The following SACS variants were observed in gnomAD, a reference collection of about 807,000 sequenced individuals.
SACS encodes sacsin.
Under a neutral mutation model 348.0 loss-of-function variants are expected in SACS, and 197 were observed. The observed-to-expected ratio is 0.57, with a 90% CI of 0.50 to 0.64. The LOEUF is 0.64. Among genes scored for constraint, SACS ranks in the 30% least tolerant of loss-of-function variants. The pLI is 0.00. For missense variants in SACS, 4,999 were observed against 5,360.8 expected, an observed-to-expected ratio of 0.93 and a Z score of 2.11; for synonymous variants, 1,985 against 1,910.6, an observed-to-expected ratio of 1.04 and a Z score of -1.02.
At chr13:23,421,937 C>G (rs1354001715) in intron 1 of SACS, among the ~76,000 whole-genome samples, 1 of 151,668 alleles carries the variant, frequency 6.6e-6, no homozygotes, top group Non-Finnish European at 1.5e-5. Context: ...CATGTGTCAA[C>G]TTGGGAACAG....
chr13:23,343,201 AAC>A (rs1267753143), intron 9 of SACS, among the ~76,000 whole-genome samples: 3 of 152,226 alleles, frequency 2.0e-5, no homozygotes, highest in African/African-American at 7.2e-5. Flanking sequence ...CCTAGAAATT[AAC>A]AGTTTCTTTC....
At chr13:23,393,309 C>G (rs1402677957) in intron 2 of SACS, among the ~76,000 whole-genome samples, 1 of 152,186 alleles carries the variant, frequency 6.6e-6, no homozygotes, top group Non-Finnish European at 1.5e-5. Flanking sequence ...TATTCACTGA[C>G]TTTATTTATC....
Position 23,333,407 on chromosome 13 carries a change from TAA to T in SACS, c.10467_10468del (p.Tyr3490Ter). On this transcript the variant is annotated frameshift_variant, in exon 10 of 10. Coordinates refer to ENST00000382292, the MANE Select transcript of SACS (RefSeq NM_014363.6). LOFTEE classifies it high-confidence loss of function. ...GATCAAGTGCTCTAATTTTGCATCA[TAA>T]GAGAGATTTTCAATTTTTGGTAAGA... 6.2e-7 allele frequency: 1 copy of T among 1,609,652 alleles called. No homozygotes were observed. The highest frequency in any genetic ancestry group is 1.7e-4 in the Middle Eastern group (1 of 6,020).
intron 5 of SACS, among the ~76,000 whole-genome samples, chr13:23,365,561 C>T (rs1871011542): frequency 6.6e-6 from 1 of 152,124 alleles, no homozygotes; most frequent in African/African-American, 2.4e-5. Flanking sequence ...ATAACTGTCT[C>T]ATATTTACAA....
At chr13:23,399,302 C>T (rs1441980963) in intron 2 of SACS, among the ~76,000 whole-genome samples, 1 of 152,100 alleles carries the variant, frequency 6.6e-6, no homozygotes, top group Admixed American at 6.6e-5. Context: ...AGATCAACTT[C>T]CTTGTCCCTT....
intron 2 of SACS, among the ~76,000 whole-genome samples, chr13:23,400,115 A>G (rs982184668): frequency 6.6e-6 from 1 of 152,188 alleles, no homozygotes; most frequent in African/African-American, 2.4e-5. Flanking sequence ...GGAAGGAAGG[A>G]AGGAAAACAA....
rs548213787 is a variant in SACS at position 23,407,347 on chromosome 13, T to C, written c.20+3873A>G. On this transcript the variant is annotated intron_variant, in intron 2 of 9. Transcript: ENST00000382292. Reference sequence around the variant, plus strand: ...CCAAGTAGCTGGGACTACAGGCGCCTGCCACCACGCCCGGCTAATCTTTTT... The same window carrying C: ...CCAAGTAGCTGGGACTACAGGCGCCCGCCACCACGCCCGGCTAATCTTTTT... 2.8e-3 allele frequency among the ~76,000 whole-genome samples: 428 copies of C among 151,646 alleles called. 1 individual carries two copies. The highest frequency in any genetic ancestry group is 4.3e-3 in the Non-Finnish European group (295 of 67,830).
At chr13:23,404,346 G>A (rs1024770179) in intron 2 of SACS, among the ~76,000 whole-genome samples, 4 of 152,140 alleles carry the variant, frequency 2.6e-5, no homozygotes, top group Non-Finnish European at 5.9e-5. Flanking sequence ...AATAGATGCA[G>A]AAAAGGCCTT....
In SACS at chr13:23,382,411, A is replaced by C. The variant is rs1872095449; in HGVS notation, c.21-7142T>G. 2.0e-5 allele frequency among the ~76,000 whole-genome samples: 3 copies of C among 152,214 alleles called. No individual in the cohort carries two copies. In the South Asian group the frequency reaches 6.2e-4, roughly 31 times the overall value. ...TTTTATATGATTACAATTGAATTGA[A>C]GCTTCATCTGTTAAAATCTTACATT... On this transcript the variant is annotated intron_variant, in intron 2 of 9. Coordinates refer to ENST00000382292, the MANE Select transcript of SACS (RefSeq NM_014363.6).
intron 6 of SACS, among the ~76,000 whole-genome samples, chr13:23,362,384 T>C (rs1870791457): frequency 6.6e-6 from 1 of 152,116 alleles, no homozygotes; most frequent in Non-Finnish European, 1.5e-5. Context: ...TGAATAAAAA[T>C]AAGTTGACCT....
chr13:23,344,551 T>C (rs1466444783), intron 9 of SACS, among the ~76,000 whole-genome samples: 1 of 152,264 alleles, frequency 6.6e-6, no homozygotes, highest in Non-Finnish European at 1.5e-5. Context: ...CCATTGTATT[T>C]AAGACATTCA....
In SACS at chr13:23,336,565, T is replaced by C. The variant is rs1472391006; in HGVS notation, c.7311A>G (p.Arg2437=). The part of the protein sequence containing the change: ...IISEGIWSLI[R]EKKQEFCEKN... ...TCTCACAAAATTCTTGTTTCTTTTC[T>C]CTAATGAGACTCCATATTCCTTCAC... Residue 2437 remains arginine, a synonymous_variant, in exon 10 of 10, where the codon AGA becomes AGG. Transcript: ENST00000382292. 17 of 1,613,634 alleles carry C rather than the reference T, an allele frequency of 1.1e-5. No individual in the cohort carries two copies. Among genetic ancestry groups the C allele is most frequent in the Non-Finnish European group, 1.4e-5 (17 of 1,179,812 alleles).
chr13:23,386,094 G>A (rs1215793069), intron 2 of SACS, among the ~76,000 whole-genome samples: 1 of 152,166 alleles, frequency 6.6e-6, no homozygotes, highest in Non-Finnish European at 1.5e-5. Flanking sequence ...AAGCGCCCTA[G>A]GATCCTTGGA....
intron 6 of SACS, among the ~76,000 whole-genome samples, chr13:23,361,035 G>T (rs551159022): frequency 3.3e-5 from 5 of 152,118 alleles, no homozygotes; most frequent in Non-Finnish European, 7.4e-5. Context: ...GATTACAGGC[G>T]TGAGCCCCCA....
At chr13:23,405,854 G>A (rs1191209609) in intron 2 of SACS, among the ~76,000 whole-genome samples, 1 of 152,200 alleles carries the variant, frequency 6.6e-6, no homozygotes, top group Non-Finnish European at 1.5e-5. Flanking sequence ...TCTCATGCCA[G>A]TTAGAATGGT....
At position 23,341,143 on chromosome 13, in the gene SACS, G is replaced by A. The variant is rs199702597; in HGVS notation, c.2733C>T (p.Thr911=). The part of the protein sequence containing the change: ...DALRKFLASL[T]DSSEKEKRII... The stretch of plus-strand genomic sequence containing the variant: ...TTCTTTTCTCTTTCTCACTGCTATC[G>A]GTTAAACTAGCCAAGAACTTCCTCA... Residue 911 remains threonine (T), a synonymous_variant, in exon 10 of 10, where the codon ACC becomes ACT. Coordinates refer to ENST00000382292, the MANE Select transcript of SACS (RefSeq NM_014363.6). The A allele has an allele frequency of 2.0e-5, 32 of 1,613,114 alleles. No individual in the cohort carries two copies. The highest frequency in any genetic ancestry group is 1.6e-4 in the Middle Eastern group (1 of 6,062).
chr13:23,343,449 C>T (rs559908061), intron 9 of SACS, among the ~76,000 whole-genome samples: 1 of 152,100 alleles, frequency 6.6e-6, no homozygotes, highest in African/African-American at 2.4e-5. Flanking sequence ...CACTTTGGGG[C>T]GCCAAAGCGG....
intron 4 of SACS, among the ~76,000 whole-genome samples, chr13:23,370,123 G>A (rs1224369477): frequency 2.0e-5 from 3 of 152,176 alleles, no homozygotes; most frequent in Admixed American, 1.3e-4. Flanking sequence ...CTCCCAAAGT[G>A]CTGGGATTAC....
At chr13:23,384,231 C>A (rs1872180835) in intron 2 of SACS, among the ~76,000 whole-genome samples, 1 of 152,242 alleles carries the variant, frequency 6.6e-6, no homozygotes, top group African/African-American at 2.4e-5. Flanking sequence ...TGCAAGGTGA[C>A]TTCCGCCTTC....
Sources: allele counts gnomAD v4.1 joint callset (sites outside exome capture counted in the v4.1 genomes callset), GRCh38; gene constraint gnomAD v4.1.1; transcripts MANE v1.5; gene names NCBI Gene and HGNC (gene_info 2026-07-23, HGNC 2026-07-21).